SATB1: variants seen among roughly 807,000 people sequenced by gnomAD.
SATB1 encodes SATB homeobox 1.
SATB1 carries 11 observed loss-of-function variants against 86.9 expected under a neutral mutation model. The ratio of observed to expected loss-of-function variants is 0.13; its 90% CI spans 0.08 to 0.21. The LOEUF is 0.21. SATB1 is among the 10% of genes least tolerant of loss of function. SATB1 has a pLI of 1.00. For missense variants in SATB1, 551 were observed against 937.6 expected (o/e 0.59, Z 5.39); for synonymous variants, 357 against 357.2 (o/e 1.00, Z 0.01).
At chr3:18,396,780 C>T (rs1348657080) in intron 6 of SATB1, among the ~76,000 whole-genome samples, 4 of 152,074 alleles carry the variant, frequency 2.6e-5, no homozygotes, top group African/African-American at 4.8e-5. Context: ...AGTTTAATTT[C>T]CTTTAAAATT....
intron 9 of SATB1, among the ~76,000 whole-genome samples, chr3:18,355,115 G>C (rs984458441): frequency 1.3e-5 from 2 of 151,998 alleles, no homozygotes; most frequent in Non-Finnish European, 2.9e-5. Context: ...ATATTTAACG[G>C]TGCAGCTGGG....
chr3:18,435,134 T>A (rs535909936), intron 2 of SATB1: 1 of 152,230 alleles, frequency 6.6e-6, no homozygotes, highest in Non-Finnish European at 1.5e-5. Flanking sequence ...GGGAGAGAAA[T>A]TTTAATCATG....
In SATB1 at chr3:18,346,188, A is replaced by G. The variant is rs1282645805; in HGVS notation, c.*2982T>C. 1.3e-5 allele frequency: 2 copies of G among 152,132 alleles called. No individual in the cohort carries two copies. Among genetic ancestry groups the G allele is most frequent in the African/African-American group, 2.4e-5 (1 of 41,446 alleles). The allele number at this position is 152,132 out of a possible 1,614,324, so 9.4% of individuals were successfully genotyped here. ...ATTGTGTGGCAAGGAGATACTATCA[A>G]CATTTTTTTTTGCATAATGTGCAAG... On this transcript the variant is annotated 3_prime_UTR_variant, in exon 11 of 11. Coordinates refer to ENST00000338745, the MANE Select transcript of SATB1 (RefSeq NM_002971.6).
At chr3:18,350,959 T>G in intron 10 of SATB1, 1 of 306,822 alleles carries the variant, frequency 3.3e-6, no homozygotes, top group Non-Finnish European at 6.3e-6. Context: ...GGCAGTGGCA[T>G]TTTACTTTAA....
At position 18,394,323 on chromosome 3, in the gene SATB1, C is replaced by A; in HGVS notation, c.1206+139G>T. The A allele has an allele frequency of 1.4e-6, 1 of 732,092 alleles. No homozygotes were observed. The highest frequency in any genetic ancestry group is 1.8e-5 in the African/African-American group (1 of 56,200). The allele number at this position is 732,092 out of a possible 1,614,324, so 45.3% of individuals were successfully genotyped here. A position where few individuals can be genotyped will look rare whatever the true frequency, so the allele number is the denominator to read the frequency against. On this transcript the variant is annotated intron_variant, in intron 7 of 10. Coordinates refer to ENST00000338745, the MANE Select transcript of SATB1 (RefSeq NM_002971.6). The surrounding 1 kb of genome is among the most constrained non-coding windows in gnomAD (Gnocchi z 5.9). ...AGGAGTGGTAAAATTGAGGCTCCACCAGGAATAGGTAATATGATCACATGA... is the reference window on the plus strand; with the variant it reads ...AGGAGTGGTAAAATTGAGGCTCCACAAGGAATAGGTAATATGATCACATGA...
chr3:18,365,868 C>T (rs1695159669), intron 9 of SATB1, among the ~76,000 whole-genome samples: 1 of 152,206 alleles, frequency 6.6e-6, no homozygotes, highest in South Asian at 2.1e-4. Context: ...TACCCTTCCC[C>T]CAATCTCCAA....
In SATB1 at chr3:18,425,112, G is replaced by C. The variant is rs1258556630; in HGVS notation, c.-1510C>G. On this transcript the variant is annotated 5_prime_UTR_variant, in exon 1 of 11. Transcript: ENST00000338745. ...CCCGCTCGGCTCCGCGCGTCCGCCC[G>C]GGCTGCAGCCCTCTCCGCCGCTGCT... 2.4e-5 allele frequency: 4 copies of C among 168,154 alleles called. No individual in the cohort carries two copies. Among genetic ancestry groups the C allele is most frequent in the African/African-American group, 9.6e-5 (4 of 41,522 alleles). The allele number at this position is 168,154 out of a possible 1,614,324, so 10.4% of individuals were successfully genotyped here.
Position 18,444,780 on chromosome 3 carries a change from T to G in SATB1, c.-25+738A>C. On this transcript the variant is annotated intron_variant, in intron 1 of 3. Coordinates refer to the SATB1 transcript ENST00000415069. This position sits in a 1 kb window ranked among gnomAD's most constrained non-coding sequence, Gnocchi z 5.1. ...CCGCGGAAGTTAATTGCAACTTGAC[T>G]TCAAGTTGTCCTCTTTCCCCATACG... 1 of 356,420 alleles carries G rather than the reference T, an allele frequency of 2.8e-6. No individual in the cohort carries two copies. Among genetic ancestry groups the G allele is most frequent in the Non-Finnish European group, 3.9e-6 (1 of 256,122 alleles). 22.1% of individuals were successfully genotyped at this position (356,420 alleles called of 1,614,324 possible). A position where few individuals can be genotyped will look rare whatever the true frequency, so the allele number is the denominator to read the frequency against.
chr3:18,416,451 T>C (rs73040337), intron 3 of SATB1, among the ~76,000 whole-genome samples: 28,554 of 152,104 alleles, frequency 0.19, 3,426 homozygotes, highest in East Asian at 0.41. Context: ...CAGTTCTAAA[T>C]GGCTTTATGA....
At chr3:18,430,129 C>CT (rs1395663653), upstream of SATB1, among the ~76,000 whole-genome samples, 3 of 152,126 alleles carry the variant, frequency 2.0e-5, no homozygotes, top group Non-Finnish European at 2.9e-5. Context: ...GACTAATACT[C>CT]TAATAGCGGA....
intron 9 of SATB1, among the ~76,000 whole-genome samples, chr3:18,371,025 G>C (rs1695454880): frequency 6.6e-6 from 1 of 152,206 alleles, no homozygotes; most frequent in Non-Finnish European, 1.5e-5. Context: ...ATAAGGATCA[G>C]ACACCTTATT....
intron 1 of SATB1, chr3:18,445,274 C>A: frequency 4.1e-6 from 4 of 983,874 alleles, no homozygotes; most frequent in Non-Finnish European, 4.8e-6. Context: ...GAAGCCCGAG[C>A]CGAGCCGAGC....
chr3:18,368,007 A>C (rs1210368695), intron 9 of SATB1, among the ~76,000 whole-genome samples: 9 of 152,228 alleles, frequency 5.9e-5, no homozygotes, highest in Admixed American at 2.0e-4. Flanking sequence ...GGGCATTAGC[A>C]ATGAAACCAT....
chr3:18,364,599 G>A (rs574491249), intron 9 of SATB1, among the ~76,000 whole-genome samples: 1 of 152,000 alleles, frequency 6.6e-6, no homozygotes, highest in South Asian at 2.1e-4. Context: ...CCAAGTTCAT[G>A]GTTCCCTGGG....
In SATB1 at chr3:18,394,105, G is replaced by A. The variant is rs891301585; in HGVS notation, c.1206+357C>T. ...GAAAAGACAATAGGCTAGAAGCCTG[G>A]AATCCTGCCAATAGCCTTGACTGAG... On this transcript the variant is annotated intron_variant, in intron 7 of 10. Coordinates refer to ENST00000338745, the MANE Select transcript of SATB1 (RefSeq NM_002971.6). The surrounding 1 kb of genome is among the most constrained non-coding windows in gnomAD (Gnocchi z 5.9). Among the ~76,000 whole-genome samples, 3 of 152,300 alleles carry A rather than the reference G, an allele frequency of 2.0e-5. No individual in the cohort carries two copies. In the South Asian group the frequency reaches 6.2e-4, roughly 32 times the overall value.
chr3:18,389,729 T>C (rs564398873), intron 7 of SATB1, among the ~76,000 whole-genome samples: 3 of 152,254 alleles, frequency 2.0e-5, no homozygotes, highest in South Asian at 2.1e-4. Flanking sequence ...TCAAGAATCA[T>C]TGGCGCTCAA....
intron 6 of SATB1, 86 bp from the exon 7 acceptor site, chr3:18,395,002 G>C: frequency 8.8e-7 from 1 of 1,133,668 alleles, no homozygotes; most frequent in South Asian, 1.6e-5. Context: ...AATTAAAAAA[G>C]GGTAGGCACA....
chr3:18,443,014 T>A (rs145381936), upstream of SATB1, among the ~76,000 whole-genome samples: 4 of 152,338 alleles, frequency 2.6e-5, 1 homozygote, highest in East Asian at 7.7e-4. This position sits in a 1 kb window ranked among gnomAD's most constrained non-coding sequence, Gnocchi z 4.4. Context: ...CAACCTTGGT[T>A]TTCTTCAGAC....
rs1249482213 is a variant in SATB1, at chr3:18,386,846, T to C, written c.1207-235A>G. ...ATAAACTGAAACTGCCTAATTGGTC[T>C]CCTTCCTTTGAGTAGCTTAACTTGC... On this transcript the variant is annotated intron_variant, in intron 7 of 10. Transcript: ENST00000338745. This position sits in a 1 kb window ranked among gnomAD's most constrained non-coding sequence, Gnocchi z 4.5. Among the ~76,000 whole-genome samples, 1 of 152,222 alleles carries C rather than the reference T, an allele frequency of 6.6e-6. No individual in the cohort carries two copies. The highest frequency in any genetic ancestry group is 1.5e-5 in the Non-Finnish European group (1 of 68,044).
Sources: gnomAD v4.1 joint callset for allele counts (sites outside exome capture counted in the v4.1 genomes callset) on GRCh38, gnomAD v4.1.1 for gene constraint, Gnocchi (gnomAD v3.1) non-coding constraint, MANE v1.5 for transcripts, NCBI Gene and HGNC (gene_info 2026-07-23, HGNC 2026-07-21) for gene names.